The following OSBP2 variants were observed in gnomAD, a reference collection of about 807,000 sequenced individuals.
OSBP2 encodes oxysterol binding protein 2, also known as oxysterol-binding protein 2.
Under a neutral mutation model 96.0 loss-of-function variants are expected in OSBP2, and 66 were observed. The ratio of observed to expected loss-of-function variants is 0.69; its 90% CI spans 0.56 to 0.84. OSBP2 has a LOEUF of 0.84. OSBP2 is among the 40% of genes least tolerant of loss of function. The pLI is 0.00. For synonymous variants in OSBP2, 525 were observed against 520.9 expected, an observed-to-expected ratio of 1.01 and a Z score of -0.11; for missense variants, 1,038 against 1,222.7, an observed-to-expected ratio of 0.85 and a Z score of 2.25.
At position 30,890,839 on chromosome 22, in the gene OSBP2, C is replaced by T. The variant is rs749801209; in HGVS notation, c.1735C>T (p.Leu579=). The change falls in exon 8 of 14, where the codon CTG becomes TTG. Residue 579 remains leucine, a synonymous_variant. Coordinates refer to ENST00000332585, the MANE Select transcript of OSBP2 (RefSeq NM_030758.4). This position sits in a 1 kb window ranked among gnomAD's most constrained non-coding sequence, Gnocchi z 4.4. ...CACCAGCTCAGTGGAGCAGATGTGC[C>T]TGGTGGCCGCCTTCTCTGTGTCCTC... ...HCTSSVEQMC[L]VAAFSVSSYS... 4.3e-6 allele frequency: 7 copies of T among 1,613,694 alleles called. No homozygotes were observed. The African/African-American group carries it at 8.0e-5, about 18-fold the overall frequency.
chr22:30,824,455 AAGGCCAGAAGGGTGT>A (rs2038354583), intron 2 of OSBP2, among the ~76,000 whole-genome samples: 1 of 152,124 alleles, frequency 6.6e-6, no homozygotes, highest in Non-Finnish European at 1.5e-5. Flanking sequence ...TGGGCCTGGG[AAGGCCAGAAGGGTGT>A]TTTCAAGAGA....
rs116390596 is a variant in OSBP2, at chr22:30,830,481, T to C, written c.854-39948T>C. ...CTGGTTAGAGGACAAGTGTCTTTCC[T>C]GGTCAGGCCCACTGGGTGCATCCCT... On this transcript the variant is annotated intron_variant, in intron 2 of 13. Coordinates refer to ENST00000332585, the MANE Select transcript of OSBP2 (RefSeq NM_030758.4). Among the ~76,000 whole-genome samples, 690 of 152,352 alleles carry C rather than the reference T, an allele frequency of 4.5e-3. 6 individuals are homozygous for C. Among genetic ancestry groups the C allele is most frequent in the African/African-American group, 0.016 (650 of 41,578 alleles).
chr22:30,741,363 C>T lies in OSBP2; in HGVS notation c.847C>T (p.His283Tyr), dbSNP rs2145740056. 1 of 1,607,416 alleles carries T rather than the reference C, an allele frequency of 6.2e-7. No individual in the cohort carries two copies. Among genetic ancestry groups the T allele is most frequent in the Non-Finnish European group, 8.5e-7 (1 of 1,178,756 alleles). Residue 283 changes from histidine (H) to tyrosine (Y), a missense_variant, in exon 2 of 14, where the codon CAT becomes TAT. By Grantham distance (83) the His-to-Tyr change is moderately conservative. Coordinates refer to ENST00000332585, the MANE Select transcript of OSBP2 (RefSeq NM_030758.4). ...CAAGGCTGTCCGCGTGATGAACACT[C>T]ATTCAGGTAGTGAGCACTTGGGACA... The part of the protein sequence containing the change: ...KAKAVRVMNT[H>Y]SDDSGDDDEA...
At chr22:30,697,451 G>C (rs2089065495) in intron 1 of OSBP2, among the ~76,000 whole-genome samples, 1 of 152,036 alleles carries the variant, frequency 6.6e-6, no homozygotes, top group Admixed American at 6.6e-5. Flanking sequence ...GTTAATTTTT[G>C]TATTTTTAGT....
chr22:30,696,919 A>ATT (rs1476798213), intron 1 of OSBP2, among the ~76,000 whole-genome samples: 1 of 152,076 alleles, frequency 6.6e-6, no homozygotes, highest in Non-Finnish European at 1.5e-5. Context: ...TCGGCCTCCC[A>ATT]AAGTGTTAGG....
At position 30,711,476 on chromosome 22, in the gene OSBP2, C is replaced by T. The variant is rs114995966; in HGVS notation, c.644+15923C>T. ...TAAGACCAGGCCTGGCTCAGTGGCT[C>T]AGGTCTGTAATCCCAGCACTTTGGT... is the stretch of plus-strand genomic sequence containing the variant. On this transcript the variant is annotated intron_variant, in intron 1 of 13. Coordinates refer to ENST00000332585, the MANE Select transcript of OSBP2 (RefSeq NM_030758.4). Among the ~76,000 whole-genome samples the T allele has an allele frequency of 6.2e-3, 950 of 152,070 alleles. 9 individuals carry two copies. The highest frequency in any genetic ancestry group is 0.021 in the African/African-American group (885 of 41,496).
chr22:30,794,928 T>G (rs79737185), intron 2 of OSBP2, among the ~76,000 whole-genome samples: 2 of 151,010 alleles, frequency 1.3e-5, no homozygotes, highest in African/African-American at 4.9e-5. Flanking sequence ...TTTTTTTTTT[T>G]GAGACAGAGT....
chr22:30,739,737 T>C (rs2145737526), intron 1 of OSBP2, among the ~76,000 whole-genome samples: 1 of 152,036 alleles, frequency 6.6e-6, no homozygotes, highest in South Asian at 2.1e-4. Context: ...AGAGAAAGAG[T>C]AATTCACACA....
intron 12 of OSBP2, among the ~76,000 whole-genome samples, chr22:30,900,724 G>A (rs1762272378): frequency 6.6e-6 from 1 of 152,138 alleles, no homozygotes; most frequent in African/African-American, 2.4e-5. Flanking sequence ...GGAAAAAGAT[G>A]CACTTAATCC....
intron 2 of OSBP2, among the ~76,000 whole-genome samples, chr22:30,820,447 A>AC (rs930399747): frequency 6.6e-6 from 1 of 151,244 alleles, no homozygotes; most frequent in African/African-American, 2.4e-5. Flanking sequence ...ACTATTCCAG[A>AC]CCCCCCGCCA....
chr22:30,783,179 C>T (rs1427524687), intron 2 of OSBP2, among the ~76,000 whole-genome samples: 2 of 147,860 alleles, frequency 1.4e-5, no homozygotes, highest in Admixed American at 6.8e-5. Context: ...ATTGGTATCT[C>T]GGGGAATTTA....
At chr22:30,836,550 G>A (rs796748165) in intron 2 of OSBP2, among the ~76,000 whole-genome samples, 30 of 152,290 alleles carry the variant, frequency 2.0e-4, no homozygotes, top group African/African-American at 7.2e-4. Context: ...GTAACCCCCT[G>A]AATATAATGC....
chr22:30,717,092 G>T (rs9609059), intron 1 of OSBP2, among the ~76,000 whole-genome samples: 23,254 of 67,752 alleles, frequency 0.34, 3,040 homozygotes, highest in East Asian at 0.58. Context: ...TACTGTTTTT[G>T]TGTGTGTGTG....
At chr22:30,782,085 G>T (rs1487380227) in intron 2 of OSBP2, among the ~76,000 whole-genome samples, 3 of 152,178 alleles carry the variant, frequency 2.0e-5, no homozygotes, top group African/African-American at 7.2e-5. Context: ...GGTGGAGGTT[G>T]CAGTGAGCCG....
intron 2 of OSBP2, among the ~76,000 whole-genome samples, chr22:30,859,326 C>T (rs2039157980): frequency 6.6e-6 from 1 of 152,192 alleles, no homozygotes; most frequent in Non-Finnish European, 1.5e-5. Flanking sequence ...GAACAAAGTC[C>T]CTCTTGCTCT....
intron 12 of OSBP2, among the ~76,000 whole-genome samples, chr22:30,901,562 C>T (rs1219206953): frequency 6.6e-6 from 1 of 152,100 alleles, no homozygotes; most frequent in Non-Finnish European, 1.5e-5. Context: ...GTACAACACT[C>T]GGGAAAACAG....
chr22:30,799,519 A>C (rs993792572), intron 2 of OSBP2, among the ~76,000 whole-genome samples: 5 of 152,224 alleles, frequency 3.3e-5, no homozygotes, highest in Non-Finnish European at 7.3e-5. Context: ...CAGATGAGGA[A>C]ACTGAGGCCC....
At chr22:30,822,529 C>CTCGACCCACGAGTGTCCGCCGCT in intron 2 of OSBP2, 1 of 1,377,428 alleles carries the variant, frequency 7.3e-7, no homozygotes. Context: ...TGTCCGCCGC[C>CTCGACCCACGAGTGTCCGCCGCT]TCCGCCGGGC....
chr22:30,868,109 C>T (rs548583710), intron 2 of OSBP2, among the ~76,000 whole-genome samples: 21 of 152,386 alleles, frequency 1.4e-4, no homozygotes, highest in African/African-American at 4.8e-4. Context: ...GGGGTCTTCG[C>T]AGGCATTAAC....
Sources: gnomAD v4.1 joint callset for allele counts (sites outside exome capture counted in the v4.1 genomes callset) on GRCh38, gnomAD v4.1.1 for gene constraint, Gnocchi (gnomAD v3.1) non-coding constraint, MANE v1.5 for transcripts, NCBI Gene and HGNC (gene_info 2026-07-23, HGNC 2026-07-21) for gene names.